Variants in ACOT7 observed in about 807,000 individuals in gnomAD.
The protein encoded by ACOT7 is acyl-CoA thioesterase 7.
Under a neutral mutation model 40.2 loss-of-function variants are expected in ACOT7, and 12 were observed. The ratio of observed to expected loss-of-function variants is 0.30; its 90% confidence interval spans 0.19 to 0.48. The LOEUF (loss-of-function observed/expected upper bound fraction) is 0.48. Ranked by LOEUF, ACOT7 falls within the 20% of genes least tolerant of loss-of-function variation. The probability of loss-of-function intolerance (pLI) is 0.99; values close to 1 mark genes in which losing one functional copy is unlikely to be tolerated. For missense variants in ACOT7, 395 were observed against 530.8 expected (o/e 0.74, Z 2.51); for synonymous variants, 228 against 219.5 (o/e 1.04, Z -0.34).
chr1:6,332,470 A>G (rs1194182175), intron 4 of ACOT7, among the ~76,000 whole-genome samples: 1 of 152,228 alleles, frequency 6.6e-6, no homozygotes, highest in Non-Finnish European at 1.5e-5. Flanking sequence ...GGCTTCGCCC[A>G]CAGGCCCGCC....
intron 4 of ACOT7, among the ~76,000 whole-genome samples, 177 bp downstream of exon 4, chr1:6,333,300 G>C (rs1487267876): frequency 3.3e-5 from 5 of 152,248 alleles, no homozygotes; most frequent in African/African-American, 1.2e-4. Context: ...TGTGGAGCCA[G>C]GGATGCCCTG....
At position 6,294,775 on chromosome 1, in the gene ACOT7, C is replaced by A; in HGVS notation, c.829+89G>T. ...TGGGCACACACCAAGGCCCACATGA[C>A]CCTGGGTGTGAACAGAAAACAAACT... On this transcript the variant is annotated intron_variant, in intron 7 of 8. Coordinates refer to ENST00000361521, the MANE Select transcript of ACOT7 (RefSeq NM_007274.4). The surrounding 1 kb of genome is among the most constrained non-coding windows in gnomAD (Gnocchi z 4.6). 9.9e-7 allele frequency: 1 copy of A among 1,011,788 alleles called. No individual in the cohort carries two copies. Among genetic ancestry groups the A allele is most frequent in the South Asian group, 1.4e-5 (1 of 71,286 alleles). The allele number at this position is 1,011,788 out of a possible 1,614,324, so 62.7% of individuals were successfully genotyped here.
intron 6 of ACOT7, among the ~76,000 whole-genome samples, chr1:6,298,544 T>C (rs3789498): frequency 0.25 from 37,898 of 152,044 alleles, 6,731 homozygotes; most frequent in African/African-American, 0.51. Flanking sequence ...ACCGGGAAAA[T>C]AGCTGTTTGG....
At chr1:6,340,160 G>A (rs1395999564) in intron 2 of ACOT7, among the ~76,000 whole-genome samples, 1 of 152,076 alleles carries the variant, frequency 6.6e-6, no homozygotes, top group Non-Finnish European at 1.5e-5. Flanking sequence ...TAGAGACGGG[G>A]TTTCTCCATG....
At chr1:6,336,698 C>A (rs552282577) in intron 3 of ACOT7, among the ~76,000 whole-genome samples, 1 of 152,318 alleles carries the variant, frequency 6.6e-6, no homozygotes, top group East Asian at 1.9e-4. Context: ...TCAGAGGTCA[C>A]CACCCATTCA....
At chr1:6,264,763 T>G in intron 8 of ACOT7, 68 bp from the exon 9 acceptor site, 2 of 1,523,590 alleles carry the variant, frequency 1.3e-6, no homozygotes, top group Non-Finnish European at 1.8e-6. Context: ...CCTTGTGACC[T>G]GGCCTGGGGC....
chr1:6,334,615 G>A (rs1034343992), intron 3 of ACOT7, among the ~76,000 whole-genome samples: 4 of 152,264 alleles, frequency 2.6e-5, no homozygotes, highest in African/African-American at 9.6e-5. Flanking sequence ...CAGGTGCCAA[G>A]AGACGGGCTA....
intron 2 of ACOT7, among the ~76,000 whole-genome samples, chr1:6,341,492 C>T (rs556084378): frequency 5.9e-5 from 9 of 152,134 alleles, no homozygotes; most frequent in Non-Finnish European, 1.0e-4. Context: ...CCTGTAATCC[C>T]AGCACTTCGG....
chr1:6,357,669 G>A (rs1227106212), intron 1 of ACOT7, among the ~76,000 whole-genome samples: 2 of 152,206 alleles, frequency 1.3e-5, no homozygotes, highest in African/African-American at 2.4e-5. Context: ...AGGGACAGGG[G>A]TTGCCCTTCC....
In ACOT7 at chr1:6,330,776, G is replaced by A. The variant is rs1050389157; in HGVS notation, c.510+2701C>T. 2.6e-5 allele frequency among the ~76,000 whole-genome samples: 4 copies of A among 152,106 alleles called. No homozygotes were observed. The highest frequency in any genetic ancestry group is 4.8e-5 in the African/African-American group (2 of 41,424). ...AAAACCCAACAGCTCTTGGCGCATC[G>A]ATCCTAAGCGACAAGGCAGCAAAAG... On this transcript the variant is annotated intron_variant, in intron 4 of 8. Transcript: ENST00000361521. This position sits in a 1 kb window ranked among gnomAD's most constrained non-coding sequence, Gnocchi z 4.6.
intron 6 of ACOT7, among the ~76,000 whole-genome samples, chr1:6,303,328 GA>G (rs928869536): frequency 1.2e-4 from 17 of 146,898 alleles, no homozygotes; most frequent in African/African-American, 2.7e-4. Flanking sequence ...GAATTACGGG[GA>G]AAAAAAAAAG....
chr1:6,330,646 A>G lies in ACOT7; in HGVS notation c.510+2831T>C, dbSNP rs990684974. Among the ~76,000 whole-genome samples, 7 of 152,208 alleles carry G rather than the reference A, an allele frequency of 4.6e-5. No individual in the cohort carries two copies. The highest frequency in any genetic ancestry group is 8.8e-5 in the Non-Finnish European group (6 of 68,038). ...GGAGGGAGGGAGCTAATTACTGGGC[A>G]AGGAGAGGCGAGGCTAACAGGGGCC... On this transcript the variant is annotated intron_variant, in intron 4 of 8. Transcript: ENST00000361521. The surrounding 1 kb of genome is among the most constrained non-coding windows in gnomAD (Gnocchi z 4.6).
chr1:6,377,626 T>C (rs1299968025), intron 1 of ACOT7, among the ~76,000 whole-genome samples: 2 of 152,160 alleles, frequency 1.3e-5, no homozygotes, highest in Admixed American at 1.3e-4. Context: ...GCACAGAGTA[T>C]CAATCATGCA....
chr1:6,343,678 G>A (rs1641339529), intron 2 of ACOT7, among the ~76,000 whole-genome samples: 1 of 152,282 alleles, frequency 6.6e-6, no homozygotes, highest in South Asian at 2.1e-4. Context: ...ACCGCCTCTG[G>A]GCAGGGCAAT....
intron 1 of ACOT7, among the ~76,000 whole-genome samples, chr1:6,371,194 A>C (rs1266001684): frequency 2.0e-5 from 3 of 152,196 alleles, no homozygotes; most frequent in African/African-American, 2.4e-5. Flanking sequence ...ACTATGCTAT[A>C]AACAGATGTG....
intron 1 of ACOT7, among the ~76,000 whole-genome samples, chr1:6,388,321 G>A (rs550822261): frequency 1.5e-4 from 23 of 152,004 alleles, no homozygotes; most frequent in African/African-American, 5.3e-4. Context: ...GTGTTAGCCA[G>A]AATGGTCTCC....
chr1:6,383,024 G>A (rs557596574), intron 1 of ACOT7, among the ~76,000 whole-genome samples: 4 of 147,926 alleles, frequency 2.7e-5, no homozygotes, highest in Non-Finnish European at 4.4e-5. Context: ...GACTACAGGC[G>A]TGGGCTACCA....
chr1:6,364,660 C>T lies in ACOT7; in HGVS notation c.144-14794G>A, dbSNP rs146948263. ...GTCAAGAAATCGAGACTATCCTGGC[C>T]AACATGGTGAAACCTCATCCCTACT... is the stretch of plus-strand genomic sequence containing the variant. On this transcript the variant is annotated intron_variant, in intron 1 of 8. Transcript: ENST00000361521. Among the ~76,000 whole-genome samples the T allele has an allele frequency of 5.0e-4, 75 of 151,512 alleles. 1 individual carries two copies. The highest frequency in any genetic ancestry group is 1.7e-3 in the African/African-American group (69 of 41,266).
intron 1 of ACOT7, among the ~76,000 whole-genome samples, chr1:6,383,866 G>A (rs1470661880): frequency 2.0e-5 from 3 of 151,500 alleles, no homozygotes; most frequent in Non-Finnish European, 2.9e-5. Flanking sequence ...CACCACACTC[G>A]GCTAATTTTT....
Sources: allele counts gnomAD v4.1 joint callset (sites outside exome capture counted in the v4.1 genomes callset), GRCh38; gene constraint gnomAD v4.1.1; non-coding constraint Gnocchi (gnomAD v3.1); transcripts MANE v1.5; gene names NCBI Gene and HGNC (gene_info 2026-07-23, HGNC 2026-07-21).